Variants in VPS50 observed in about 807,000 individuals in gnomAD.
The protein encoded by VPS50 is syndetin.
In VPS50, 70 loss-of-function variants were observed where a neutral mutation model predicts 139.7. That is an observed-to-expected ratio of 0.50 (90% CI 0.41 to 0.61). The LOEUF (loss-of-function observed/expected upper bound fraction) is 0.61, where lower values mean the gene tolerates loss of function less well. Ranked by LOEUF, VPS50 falls within the 20% of genes least tolerant of loss-of-function variation. The pLI is 0.00. For missense variants in VPS50, 921 were observed against 1,133.7 expected (o/e 0.81, Z 2.69); for synonymous variants, 365 against 376.7 (o/e 0.97, Z 0.36).
At chr7:93,344,435 T>C (rs369562922) in intron 23 of VPS50, among the ~76,000 whole-genome samples, 1 of 152,154 alleles carries the variant, frequency 6.6e-6, no homozygotes, top group African/African-American at 2.4e-5. Context: ...GACAGAAAGT[T>C]AACAAGGATA....
At chr7:93,273,698 G>A (rs779014921) in intron 11 of VPS50, among the ~76,000 whole-genome samples, 1 of 151,978 alleles carries the variant, frequency 6.6e-6, no homozygotes, top group Non-Finnish European at 1.5e-5. Context: ...AGGCTTTTAT[G>A]TATCTTACCT....
intron 20 of VPS50, among the ~76,000 whole-genome samples, chr7:93,311,479 T>G (rs2116990046): frequency 6.6e-6 from 1 of 152,278 alleles, no homozygotes; most frequent in South Asian, 2.1e-4. Flanking sequence ...TTCAGTTACC[T>G]GTTTATTAAG....
chr7:93,318,645 G>A (rs1325702482), intron 20 of VPS50, among the ~76,000 whole-genome samples: 1 of 152,086 alleles, frequency 6.6e-6, no homozygotes, highest in Admixed American at 6.6e-5. Context: ...GTGGCACCTG[G>A]CCAAGTGCTT....
At chr7:93,313,255 C>G (rs1797324692) in intron 20 of VPS50, among the ~76,000 whole-genome samples, 1 of 152,106 alleles carries the variant, frequency 6.6e-6, no homozygotes. Flanking sequence ...GCTTCTGCCG[C>G]AGGAAGCACT....
intron 6 of VPS50, 77 bp downstream of exon 6, chr7:93,257,541 T>C: frequency 1.2e-6 from 1 of 818,984 alleles, no homozygotes; most frequent in Non-Finnish European, 1.9e-6. Flanking sequence ...TAATTTATAA[T>C]TGATTTTTTA....
chr7:93,259,412 A>G (rs540511662), intron 8 of VPS50, 138 bp from the exon 9 acceptor site: 2 of 513,642 alleles, frequency 3.9e-6, no homozygotes, highest in African/African-American at 1.9e-5. Context: ...TCACTTATCT[A>G]TCATTGATAT....
At chr7:93,305,501 T>C (rs946743156) in intron 17 of VPS50, among the ~76,000 whole-genome samples, 3 of 151,908 alleles carry the variant, frequency 2.0e-5, no homozygotes, top group Non-Finnish European at 4.4e-5. Flanking sequence ...TTTTTGCTGT[T>C]CTGTTAAAAT....
intron 25 of VPS50, among the ~76,000 whole-genome samples, chr7:93,350,477 T>A (rs1052971223): frequency 2.0e-5 from 3 of 152,148 alleles, no homozygotes; most frequent in African/African-American, 7.2e-5. Context: ...TGTGTTTATA[T>A]GTTTCCTGGA....
intron 12 of VPS50, among the ~76,000 whole-genome samples, chr7:93,284,046 G>A (rs1261113932): frequency 6.6e-6 from 1 of 152,138 alleles, no homozygotes; most frequent in African/African-American, 2.4e-5. Context: ...TCATGTCTAA[G>A]AACTCTTAAC....
At chr7:93,264,406 T>A (rs1795777887) in intron 9 of VPS50, among the ~76,000 whole-genome samples, 1 of 152,214 alleles carries the variant, frequency 6.6e-6, no homozygotes, top group African/African-American at 2.4e-5. Flanking sequence ...CACTTGAAAT[T>A]TGTCTCAATT....
At chr7:93,302,705 A>T (rs541296760) in intron 16 of VPS50, among the ~76,000 whole-genome samples, 49 of 152,158 alleles carry the variant, frequency 3.2e-4, no homozygotes, top group Non-Finnish European at 6.8e-4. Context: ...GATTTTAAAA[A>T]ATCTAGATTT....
intron 17 of VPS50, among the ~76,000 whole-genome samples, 197 bp downstream of exon 17, chr7:93,303,747 A>C (rs1797043242): frequency 6.6e-6 from 1 of 151,856 alleles, no homozygotes; most frequent in Admixed American, 6.6e-5. Flanking sequence ...GCGAAAAATC[A>C]GTCTTACAAA....
At chr7:93,289,456 A>G (rs1277589851) in intron 12 of VPS50, among the ~76,000 whole-genome samples, 1 of 152,080 alleles carries the variant, frequency 6.6e-6, no homozygotes, top group East Asian at 1.9e-4. Context: ...AATATTTTAC[A>G]GAGTTGTCAT....
In VPS50 at chr7:93,360,067, G is replaced by A. The variant is rs1354370436; in HGVS notation, c.*1631G>A. On this transcript the variant is annotated 3_prime_UTR_variant, in exon 28 of 28. Transcript: ENST00000305866. ...AGAAAACAAACATGAGATAAGCTTG[G>A]TCCTTGAGTTTAAATGGCATATTTA... 6.6e-6 allele frequency: 1 copy of A among 152,124 alleles called. No individual in the cohort carries two copies. The highest frequency in any genetic ancestry group is 1.5e-5 in the Non-Finnish European group (1 of 68,026). The allele number at this position is 152,124 out of a possible 1,614,324, so 9.4% of individuals were successfully genotyped here. A position where few individuals can be genotyped will look rare whatever the true frequency, so the allele number is the denominator to read the frequency against.
At chr7:93,338,138 C>A (rs983474758) in intron 22 of VPS50, among the ~76,000 whole-genome samples, 1 of 151,968 alleles carries the variant, frequency 6.6e-6, no homozygotes, top group Admixed American at 6.6e-5. Context: ...AAGTTGAGAG[C>A]ACTCTAAGAG....
chr7:93,293,682 CT>C (rs1796714567), intron 13 of VPS50, among the ~76,000 whole-genome samples: 1 of 152,126 alleles, frequency 6.6e-6, no homozygotes, highest in South Asian at 2.1e-4. Flanking sequence ...ATATTTGATA[CT>C]GTTTGGTAAC....
chr7:93,287,352 T>C (rs1196374242), intron 12 of VPS50, among the ~76,000 whole-genome samples: 1 of 151,872 alleles, frequency 6.6e-6, no homozygotes, highest in Non-Finnish European at 1.5e-5. Context: ...TAAACATCTG[T>C]GTGTGTATAT....
At chr7:93,289,319 T>C (rs762362513) in intron 12 of VPS50, among the ~76,000 whole-genome samples, 26 of 152,146 alleles carry the variant, frequency 1.7e-4, no homozygotes, top group Non-Finnish European at 3.4e-4. Flanking sequence ...TATCTCTGTT[T>C]ATGAAGTGTG....
rs1584440744 is a variant in VPS50 at position 93,297,384 on chromosome 7, G to A, written c.1361+141G>A. On this transcript the variant is annotated intron_variant, in intron 16 of 27. Transcript: ENST00000305866. The stretch of plus-strand genomic sequence containing the variant: ...GTTGTAGCTTTTTTAAGATGGTTAA[G>A]GATTTTTTTAACCAAAATATGATGA... The A allele has an allele frequency of 7.5e-6, 7 of 929,834 alleles. No individual in the cohort carries two copies. In the East Asian group the frequency reaches 1.7e-4, roughly 22 times the overall value. The allele number at this position is 929,834 out of a possible 1,614,324, so 57.6% of individuals were successfully genotyped here.
Sources: gnomAD v4.1 joint callset for allele counts (sites outside exome capture counted in the v4.1 genomes callset) on GRCh38, gnomAD v4.1.1 for gene constraint, MANE v1.5 for transcripts, NCBI Gene and HGNC (gene_info 2026-07-23, HGNC 2026-07-21) for gene names.